ATP13A1: variants seen among roughly 807,000 people sequenced by gnomAD.
The protein encoded by ATP13A1 is ATPase 13A1.
ATP13A1 carries 55 observed loss-of-function variants against 134.8 expected under a neutral mutation model. The observed-to-expected ratio is 0.41, with a 90% CI of 0.33 to 0.51. The LOEUF (loss-of-function observed/expected upper bound fraction) is 0.51, where lower values mean the gene tolerates loss of function less well. ATP13A1 is among the 20% of genes least tolerant of loss of function. The probability of loss-of-function intolerance (pLI) is 0.29; values close to 1 mark genes in which losing one functional copy is unlikely to be tolerated. For synonymous variants in ATP13A1, 775 were observed against 725.1 expected (o/e 1.07, Z -1.10); for missense variants, 1,389 against 1,652.8 (o/e 0.84, Z 2.77).
chr19:19,653,573 G>A lies in ATP13A1; in HGVS notation c.2100+211C>T, dbSNP rs374628425. The A allele has an allele frequency of 1.7e-6, 1 of 596,822 alleles. No homozygotes were observed. Among genetic ancestry groups the A allele is most frequent in the Non-Finnish European group, 3.0e-6 (1 of 337,844 alleles). 37.0% of individuals were successfully genotyped at this position (596,822 alleles called of 1,614,324 possible). ...CAGGACTGGGGCAGGTAAGCCCTGC[G>A]TGTGCTCTGCGTGAGCCAGGACTGG... is the stretch of plus-strand genomic sequence containing the variant. On this transcript the variant is annotated intron_variant, in intron 15 of 25. Coordinates refer to ENST00000357324, the MANE Select transcript of ATP13A1 (RefSeq NM_020410.3). The surrounding 1 kb of genome is among the most constrained non-coding windows in gnomAD (Gnocchi z 4.2).
At position 19,653,930 on chromosome 19, in the gene ATP13A1, C is replaced by T. The variant is rs753443575; in HGVS notation, c.1990-36G>A. ...TGCAGGGGGATGTCACGGGCTGCCC[C>T]GCGCCCCCACCCCTTGCCCCAGGCT... On this transcript the variant is annotated intron_variant, in intron 14 of 25. Coordinates refer to ENST00000357324, the MANE Select transcript of ATP13A1 (RefSeq NM_020410.3). This position sits in a 1 kb window ranked among gnomAD's most constrained non-coding sequence, Gnocchi z 4.2. 5.5e-5 allele frequency: 87 copies of T among 1,570,762 alleles called. 1 individual carries two copies. The Admixed American group carries it at 6.6e-4, about 12-fold the overall frequency.
At chr19:19,659,192 C>T (rs956741119) in intron 3 of ATP13A1, among the ~76,000 whole-genome samples, 6 of 151,408 alleles carry the variant, frequency 4.0e-5, no homozygotes, top group African/African-American at 9.7e-5. Flanking sequence ...CAGTGGCTCA[C>T]GCCTGTAATC....
Position 19,645,603 on chromosome 19 carries a change from C to T in ATP13A1, c.3504+44G>A. 3 of 1,560,512 alleles carry T rather than the reference C, an allele frequency of 1.9e-6. No individual in the cohort carries two copies. The highest frequency in any genetic ancestry group is 2.6e-6 in the Non-Finnish European group (3 of 1,152,344). On this transcript the variant is annotated intron_variant, in intron 25 of 25. Transcript: ENST00000357324. This position sits in a 1 kb window ranked among gnomAD's most constrained non-coding sequence, Gnocchi z 4.1. ...CTCAGGGTCACTGCCATAGGAGGGACCCATCAAGCTGAGCCCCAGGGTCAC... is the reference window on the plus strand; with the variant it reads ...CTCAGGGTCACTGCCATAGGAGGGATCCATCAAGCTGAGCCCCAGGGTCAC...
At chr19:19,648,509 AAAG>A (rs1307352660) in intron 19 of ATP13A1, among the ~76,000 whole-genome samples, 17 of 149,732 alleles carry the variant, frequency 1.1e-4, no homozygotes, top group African/African-American at 3.5e-4. Context: ...AAAAAAAAAA[AAAG>A]AAAAAAGAAA....
chr19:19,649,113 C>A (rs2062007427), intron 19 of ATP13A1, among the ~76,000 whole-genome samples: 1 of 151,264 alleles, frequency 6.6e-6, no homozygotes, highest in South Asian at 2.1e-4. Flanking sequence ...CAGAGCAAGG[C>A]TCCGTCAAAA....
At position 19,645,334 on chromosome 19, in the gene ATP13A1, G is replaced by C. The variant is rs2061977211; in HGVS notation, c.*88C>G. The C allele has an allele frequency of 7.2e-7, 1 of 1,384,770 alleles. No individual in the cohort carries two copies. Among genetic ancestry groups the C allele is most frequent in the Non-Finnish European group, 1.0e-6 (1 of 1,003,796 alleles). 85.8% of individuals were successfully genotyped at this position (1,384,770 alleles called of 1,614,324 possible). A position where few individuals can be genotyped will look rare whatever the true frequency, so the allele number is the denominator to read the frequency against. ...GAGACTGTACAGCCTTGCTGTGGGG[G>C]GTTGGGGGCAGGGTTCCCTCCCGGG... On this transcript the variant is annotated 3_prime_UTR_variant, in exon 26 of 26. Transcript: ENST00000357324. This position sits in a 1 kb window ranked among gnomAD's most constrained non-coding sequence, Gnocchi z 4.1.
At position 19,653,138 on chromosome 19, in the gene ATP13A1, C is replaced by T. The variant is rs879631902; in HGVS notation, c.2101-418G>A. 2.8e-5 allele frequency: 5 copies of T among 180,196 alleles called. No individual in the cohort carries two copies. In the East Asian group the frequency reaches 4.8e-4, roughly 17 times the overall value. 11.2% of individuals were successfully genotyped at this position (180,196 alleles called of 1,614,324 possible). A position where few individuals can be genotyped will look rare whatever the true frequency, so the allele number is the denominator to read the frequency against. Reference sequence around the variant, plus strand: ...GGAGCTCACACTGCACCAGGGGAGACGCATGATCAAGAAAGTCACAGAAAT... The same window carrying T: ...GGAGCTCACACTGCACCAGGGGAGATGCATGATCAAGAAAGTCACAGAAAT... On this transcript the variant is annotated intron_variant, in intron 15 of 25. Transcript: ENST00000357324. This position sits in a 1 kb window ranked among gnomAD's most constrained non-coding sequence, Gnocchi z 4.2.
Position 19,656,596 on chromosome 19 carries a change from G to A in ATP13A1, c.1083+64C>T. 1 of 1,524,828 alleles carries A rather than the reference G, an allele frequency of 6.6e-7. No homozygotes were observed. The highest frequency in any genetic ancestry group is 2.4e-5 in the East Asian group (1 of 42,028). 94.5% of individuals were successfully genotyped at this position (1,524,828 alleles called of 1,614,324 possible). A position where few individuals can be genotyped will look rare whatever the true frequency, so the allele number is the denominator to read the frequency against. On this transcript the variant is annotated intron_variant, in intron 7 of 25. Transcript: ENST00000357324. The surrounding 1 kb of genome is among the most constrained non-coding windows in gnomAD (Gnocchi z 4.6). ...TGAGGGGGATCCCCGCCACCCCCTGGGCCTCCACCTCCTGGCCTGTTTCCT... is the reference window on the plus strand; with the variant it reads ...TGAGGGGGATCCCCGCCACCCCCTGAGCCTCCACCTCCTGGCCTGTTTCCT...
intron 3 of ATP13A1, 139 bp from the exon 4 acceptor site, chr19:19,657,547 C>T (rs548899477): frequency 9.8e-6 from 8 of 814,712 alleles, no homozygotes; most frequent in East Asian, 8.5e-5. Flanking sequence ...GGAGCCCTGG[C>T]GAGCTTCCAG....
At chr19:19,652,557 T>A (rs1412916875) in intron 16 of ATP13A1, 38 bp downstream of exon 16, 1 of 1,589,548 alleles carries the variant, frequency 6.3e-7, no homozygotes, top group East Asian at 2.3e-5. Context: ...TCGCCTCTAT[T>A]TCCCATGCAG....
In ATP13A1 at chr19:19,645,401, G is replaced by A. The variant is rs1256672286; in HGVS notation, c.*21C>T. 6.3e-7 allele frequency: 1 copy of A among 1,578,522 alleles called. No homozygotes were observed. On this transcript the variant is annotated 3_prime_UTR_variant, in exon 26 of 26. Transcript: ENST00000357324. The surrounding 1 kb of genome is among the most constrained non-coding windows in gnomAD (Gnocchi z 4.1). ...CGCCCAGCGGCAGCCAGGGTGGGCA[G>A]TGGGTACCAGCACTGCCATCTCAGG...
chr19:19,657,582 C>T (rs977746903), intron 3 of ATP13A1, among the ~76,000 whole-genome samples, 174 bp from the exon 4 acceptor site: 12 of 152,208 alleles, frequency 7.9e-5, no homozygotes, highest in African/African-American at 2.7e-4. Context: ...TTGGCAGTGG[C>T]TCTCCCTCAT....
In ATP13A1 at chr19:19,654,022, C is replaced by T. The variant is rs760489959; in HGVS notation, c.1936G>A (p.Asp646Asn). Residue 646 changes from aspartate (D) to asparagine (N), a missense_variant, in exon 14 of 26, where the codon GAC (aspartate) becomes AAC (asparagine). Physicochemically the swap from Asp to Asn is conservative, Grantham distance 23 (BLOSUM62 1). Coordinates refer to ENST00000357324, the MANE Select transcript of ATP13A1 (RefSeq NM_020410.3). ...LASYEKLGSTDLCYIAAVKGA... is the reference protein window; with the variant it reads ...LASYEKLGSTNLCYIAAVKGA... ...TTCACGGCCGCGATGTAGCAGAGGTCGGTGGAGCCCAGCTTCTCATACGAG... is the reference window on the plus strand; with the variant it reads ...TTCACGGCCGCGATGTAGCAGAGGTTGGTGGAGCCCAGCTTCTCATACGAG... 12 of 1,598,440 alleles carry T rather than the reference C, an allele frequency of 7.5e-6. No homozygotes were observed. The highest frequency in any genetic ancestry group is 2.3e-5 in the South Asian group (2 of 88,328).
chr19:19,649,868 A>G lies in ATP13A1; in HGVS notation c.2408T>C (p.Leu803Pro). 1 of 1,603,248 alleles carries G rather than the reference A, an allele frequency of 6.2e-7. No homozygotes were observed. The highest frequency in any genetic ancestry group is 8.5e-7 in the Non-Finnish European group (1 of 1,179,606). ...GAGGCACAGTGCGTACTCCAGGGCC[A>G]GTGCCTTTGGGGAGCCCCGGGCCAG... ...LPLARGSPKA[L>P]ALEYALCLTG... Residue 803 changes from leucine (L) to proline (P), a missense_variant, in exon 18 of 26, where the codon CTG (leucine) becomes CCG (proline). Leu to Pro is a moderately conservative substitution (Grantham distance 98). This residue lies in a region of ATP13A1 where 747 missense variants were observed against 956.1 expected (regional missense o/e 0.78). Coordinates refer to ENST00000357324, the MANE Select transcript of ATP13A1 (RefSeq NM_020410.3).
chr19:19,659,379 C>T (rs555961720), intron 3 of ATP13A1, among the ~76,000 whole-genome samples: 2 of 152,104 alleles, frequency 1.3e-5, no homozygotes, highest in African/African-American at 4.8e-5. Flanking sequence ...TCACTTGAAC[C>T]GGGGAGGCGG....
In ATP13A1 at chr19:19,656,831, C is replaced by A; in HGVS notation, c.976+16G>T. 3 of 1,611,756 alleles carry A rather than the reference C, an allele frequency of 1.9e-6. No homozygotes were observed. The highest frequency in any genetic ancestry group is 2.5e-6 in the Non-Finnish European group (3 of 1,179,062). On this transcript the variant is annotated intron_variant, in intron 6 of 25. Coordinates refer to ENST00000357324, the MANE Select transcript of ATP13A1 (RefSeq NM_020410.3). This position sits in a 1 kb window ranked among gnomAD's most constrained non-coding sequence, Gnocchi z 4.6. ...GGCTGGGGCTCCCACTGGGACTGAG[C>A]GGAACCCGGCCTCACCGATGGAGAC... is the stretch of plus-strand genomic sequence containing the variant.
intron 1 of ATP13A1, 86 bp downstream of exon 1, chr19:19,663,185 C>G (rs2062105518): frequency 6.5e-7 from 1 of 1,537,766 alleles, no homozygotes. Context: ...GCCCAGGTCG[C>G]GATGGTGACC....
rs1470064823 is a variant in ATP13A1 at position 19,649,811 on chromosome 19, G to A, written c.2465C>T (p.Thr822Ile). 2.5e-6 allele frequency: 4 copies of A among 1,602,162 alleles called. 1 individual carries two copies. The highest frequency in any genetic ancestry group is 2.5e-6 in the Non-Finnish European group (3 of 1,177,160). ...TGDGLAHLQA[T>I]DPQQLLRLIP... ...GAGGCGGAGCAGCTGCTGGGGGTCG[G>A]TGGCCTGCAGGTGGGCCAAGCCGTC... is the stretch of plus-strand genomic sequence containing the variant. The change falls in exon 18 of 26, where the codon ACC becomes ATC. Residue 822 changes from threonine (T) to isoleucine (I), a missense_variant. By Grantham distance (89) the Thr-to-Ile change is moderately conservative (BLOSUM62 -1). Coordinates refer to ENST00000357324, the MANE Select transcript of ATP13A1 (RefSeq NM_020410.3).
At chr19:19,648,247 A>G (rs1438974076) in intron 19 of ATP13A1, among the ~76,000 whole-genome samples, 1 of 152,132 alleles carries the variant, frequency 6.6e-6, no homozygotes, top group Non-Finnish European at 1.5e-5. Flanking sequence ...TGAACCCGGG[A>G]GGCGGAGGTT....
Sources: gnomAD v4.1 joint callset for allele counts (sites outside exome capture counted in the v4.1 genomes callset) on GRCh38, gnomAD v4.1.1 for gene constraint, gnomAD v4.1.1 regional missense constraint, Gnocchi (gnomAD v3.1) non-coding constraint, MANE v1.5 for transcripts, NCBI Gene and HGNC (gene_info 2026-07-23, HGNC 2026-07-21) for gene names.